Variants in IFT46 observed in about 807,000 individuals in gnomAD.
The protein encoded by IFT46 is intraflagellar transport protein 46 homolog.
Under a neutral mutation model 39.6 loss-of-function variants are expected in IFT46, and 19 were observed. The observed-to-expected ratio is 0.48, with a 90% CI of 0.33 to 0.70. The LOEUF is 0.70. Ranked by LOEUF, IFT46 falls within the 30% of genes least tolerant of loss-of-function variation. The pLI is 0.01. For synonymous variants in IFT46, 117 were observed against 134.8 expected (o/e 0.87, Z 0.91); for missense variants, 334 against 364.8 (o/e 0.92, Z 0.69).
rs571902642 is a variant in IFT46, at chr11:118,572,321, C to T, written c.-133+275G>A. 3.9e-3 allele frequency: 1,935 copies of T among 492,662 alleles called. 11 individuals are homozygous for T. The highest frequency in any genetic ancestry group is 5.5e-3 in the Non-Finnish European group (1,503 of 270,870). 30.5% of individuals were successfully genotyped at this position (492,662 alleles called of 1,614,324 possible). On this transcript the variant is annotated intron_variant, in intron 1 of 5. Coordinates refer to the IFT46 transcript ENST00000528378. ...CTTAATCGTAACCGGAGCGGGGTAC[C>T]CTCAATTTCCCCAGCCCACAGGCCC...
intron 1 of IFT46, among the ~76,000 whole-genome samples, chr11:118,571,597 C>G (rs1938336820): frequency 6.6e-6 from 1 of 152,208 alleles, no homozygotes; most frequent in African/African-American, 2.4e-5. Flanking sequence ...TGACGTCTCA[C>G]CACGGGTCTG....
At chr11:118,551,890 A>G (rs782629961) in intron 8 of IFT46, 38 bp from the exon 9 acceptor site, 1 of 1,564,758 alleles carries the variant, frequency 6.4e-7, no homozygotes, top group South Asian at 1.1e-5. Flanking sequence ...AGAAACGTGA[A>G]CTGATAACAT....
In IFT46 at chr11:118,555,059, C is replaced by T; in HGVS notation, c.285G>A (p.Leu95=). The change falls in exon 6 of 12, where the codon CTG becomes CTA. Residue 95 remains leucine (L), a synonymous_variant. Transcript: ENST00000264021. ...GAATGAAAGGCTTCAGTTTGTGGTC[C>T]AGGTCAATCAACTGAGGTGTGTACC... is the stretch of plus-strand genomic sequence containing the variant. The part of the protein sequence containing the change: ...ISRYTPQLID[L]DHKLKPFIPD... 6.2e-7 allele frequency: 1 copy of T among 1,613,760 alleles called. No homozygotes were observed. Among genetic ancestry groups the T allele is most frequent in the Non-Finnish European group, 8.5e-7 (1 of 1,179,754 alleles).
intron 9 of IFT46, among the ~76,000 whole-genome samples, chr11:118,547,465 C>A (rs1281613844): frequency 1.3e-5 from 2 of 152,214 alleles, no homozygotes; most frequent in Non-Finnish European, 2.9e-5. Flanking sequence ...GTTGCCCAGA[C>A]TGGAGTGCAG....
intron 9 of IFT46, among the ~76,000 whole-genome samples, chr11:118,548,094 G>A (rs1591359524): frequency 6.8e-6 from 1 of 147,086 alleles, no homozygotes; most frequent in Non-Finnish European, 1.5e-5. Flanking sequence ...TGTTGCCCAG[G>A]CTGGTCCTGA....
At chr11:118,574,591 C>T (rs1049080022), upstream of IFT46, among the ~76,000 whole-genome samples, 2 of 151,778 alleles carry the variant, frequency 1.3e-5, no homozygotes, top group African/African-American at 4.8e-5. Flanking sequence ...GATATCAGTA[C>T]GTAAACATTG....
chr11:118,569,030 C>T (rs1273097705), upstream of IFT46, among the ~76,000 whole-genome samples: 3 of 151,836 alleles, frequency 2.0e-5, no homozygotes, highest in Admixed American at 6.6e-5. Context: ...CCTGTAATCC[C>T]AGCACTCTGG....
intron 9 of IFT46, among the ~76,000 whole-genome samples, chr11:118,547,801 T>C (rs1163069866): frequency 4.1e-5 from 6 of 147,486 alleles, no homozygotes; most frequent in East Asian, 2.0e-4. Flanking sequence ...GGCTGGAGTG[T>C]AGTGGCGCTA....
chr11:118,561,794 C>T (rs1555070633), intron 2 of IFT46, among the ~76,000 whole-genome samples: 7 of 152,134 alleles, frequency 4.6e-5, no homozygotes, highest in South Asian at 2.1e-4. Context: ...AGTTTGAATC[C>T]GAATCAGTAT....
intron 2 of IFT46, among the ~76,000 whole-genome samples, chr11:118,561,792 T>C (rs1297507830): frequency 2.6e-5 from 4 of 152,138 alleles, no homozygotes; most frequent in African/African-American, 9.7e-5. Flanking sequence ...CAAGTTTGAA[T>C]CCGAATCAGT....
At chr11:118,551,935 G>T in intron 8 of IFT46, 83 bp from the exon 9 acceptor site, 1 of 1,352,694 alleles carries the variant, frequency 7.4e-7, no homozygotes. Context: ...CTAGGATGAA[G>T]GAGAGGTCTT....
intron 9 of IFT46, among the ~76,000 whole-genome samples, chr11:118,548,934 C>A (rs1357402819): frequency 1.3e-5 from 2 of 150,876 alleles, no homozygotes; most frequent in Admixed American, 6.6e-5. Flanking sequence ...GCTCTATTAC[C>A]CAGGCTGGAG....
intron 3 of IFT46, among the ~76,000 whole-genome samples, chr11:118,558,345 C>T (rs1937911634): frequency 6.6e-6 from 1 of 152,150 alleles, no homozygotes; most frequent in Admixed American, 6.6e-5. Context: ...GCCTGTAATC[C>T]CAGCACTTTG....
rs376145272 is a variant in IFT46 at position 118,551,845 on chromosome 11, G to A, written c.613C>T (p.Pro205Ser). The A allele has an allele frequency of 9.3e-6, 15 of 1,613,908 alleles. No individual in the cohort carries two copies. The African/African-American group carries it at 1.9e-4, about 20-fold the overall frequency. ...TCCTGCATCAGCGTGTCAATGTCGGGCATGGGCCTAAAAGTATAAAGGTAA... is the reference window on the plus strand; with the variant it reads ...TCCTGCATCAGCGTGTCAATGTCGGACATGGGCCTAAAAGTATAAAGGTAA... ...PATVHYTRPMPDIDTLMQEWS... is the reference protein window; with the variant it reads ...PATVHYTRPMSDIDTLMQEWS... The change falls in exon 9 of 12, where the codon CCC becomes TCC. Residue 205 changes from proline to serine, a missense_variant. Coordinates refer to ENST00000264021, the MANE Select transcript of IFT46 (RefSeq NM_001168618.2).
rs1555069269 is a variant in IFT46, at chr11:118,555,292, C to A, written c.216G>T (p.Leu72Phe). ...GTTCCTTAATTTCAGCAGAAACTGG[C>A]AAATGCTCATAGTCTGCAGGGTCAT... ...GAYDPADYEH[L>F]PVSAEIKELF... is the part of the protein sequence containing the mutation. The change falls in exon 5 of 12, where the codon TTG (leucine) becomes TTT (phenylalanine). Residue 72 changes from leucine (L) to phenylalanine (F), a missense_variant. Coordinates refer to ENST00000264021, the MANE Select transcript of IFT46 (RefSeq NM_001168618.2). 3 of 1,614,036 alleles carry A rather than the reference C, an allele frequency of 1.9e-6. No homozygotes were observed. The highest frequency in any genetic ancestry group is 2.5e-6 in the Non-Finnish European group (3 of 1,179,980).
intron 2 of IFT46, among the ~76,000 whole-genome samples, chr11:118,562,792 G>A (rs1021532972): frequency 4.6e-5 from 7 of 152,190 alleles, no homozygotes; most frequent in African/African-American, 7.2e-5. Context: ...TAGGCTTGGT[G>A]CGGTGGCTCA....
chr11:118,572,445 A>C (rs1555072581), intron 1 of IFT46: 1 of 1,246,176 alleles, frequency 8.0e-7, no homozygotes, highest in Non-Finnish European at 1.1e-6. Flanking sequence ...GGTTCCTGTC[A>C]AGGGGGCAGC....
chr11:118,573,734 G>A, upstream of IFT46: 1 of 688,466 alleles, frequency 1.5e-6, no homozygotes, highest in Non-Finnish European at 2.7e-6. Context: ...GATAATGGGG[G>A]GAATTCATGC....
In IFT46 at chr11:118,554,386, G is replaced by A; in HGVS notation, c.483+73C>T. On this transcript the variant is annotated intron_variant, in intron 7 of 11. Transcript: ENST00000264021. ...TCTTTTGACAGGCAGTAAGTCAACT[G>A]TATGAGTGCCAGCAAGGCCTCCTCC... 3 of 1,441,144 alleles carry A rather than the reference G, an allele frequency of 2.1e-6. No individual in the cohort carries two copies. In the South Asian group the frequency reaches 4.2e-5, roughly 20 times the overall value. The allele number at this position is 1,441,144 out of a possible 1,614,324, so 89.3% of individuals were successfully genotyped here. A position where few individuals can be genotyped will look rare whatever the true frequency, so the allele number is the denominator to read the frequency against.
Sources: allele counts gnomAD v4.1 joint callset (sites outside exome capture counted in the v4.1 genomes callset), GRCh38; gene constraint gnomAD v4.1.1; transcripts MANE v1.5; gene names NCBI Gene and HGNC (gene_info 2026-07-23, HGNC 2026-07-21).